Variants in MYO1D observed in about 807,000 individuals in gnomAD.
MYO1D encodes the protein myosin ID, also known as unconventional myosin-Id.
A neutral mutation model predicts 122.0 loss-of-function variants in MYO1D; 83 were observed. The ratio of observed to expected loss-of-function variants is 0.68; its 90% CI spans 0.57 to 0.82. MYO1D has a LOEUF of 0.82. Among genes scored for constraint, MYO1D ranks in the 40% least tolerant of loss-of-function variants. The probability of loss-of-function intolerance (pLI) is 0.00; values close to 1 mark genes in which losing one functional copy is unlikely to be tolerated. For missense variants in MYO1D, 1,157 were observed against 1,269.5 expected (o/e 0.91, Z 1.35); for synonymous variants, 464 against 446.9 (o/e 1.04, Z -0.48).
chr17:32,788,156 C>T (rs959162997), intron 1 of MYO1D, among the ~76,000 whole-genome samples: 3 of 152,094 alleles, frequency 2.0e-5, no homozygotes, highest in South Asian at 2.1e-4. Flanking sequence ...TCCATCCTGT[C>T]GTTGTACTGG....
chr17:32,717,730 G>A (rs535519693), intron 15 of MYO1D, among the ~76,000 whole-genome samples: 2 of 152,200 alleles, frequency 1.3e-5, no homozygotes, highest in African/African-American at 2.4e-5. Flanking sequence ...AGATGTCAGC[G>A]TGATTCTCAC....
chr17:32,592,594 A>G (rs1156834892), intron 21 of MYO1D, among the ~76,000 whole-genome samples: 4 of 152,214 alleles, frequency 2.6e-5, no homozygotes, highest in Non-Finnish European at 5.9e-5. Flanking sequence ...ATGGTACTAC[A>G]GTGGTGGATA....
At chr17:32,749,335 T>G (rs1217444572) in intron 11 of MYO1D, among the ~76,000 whole-genome samples, 3 of 152,172 alleles carry the variant, frequency 2.0e-5, no homozygotes, top group Non-Finnish European at 2.9e-5. Context: ...CCCCAACTAG[T>G]TGGATGCAGA....
chr17:32,691,429 T>C (rs1331119511), intron 16 of MYO1D, among the ~76,000 whole-genome samples: 2 of 140,086 alleles, frequency 1.4e-5, no homozygotes, highest in African/African-American at 2.8e-5. Flanking sequence ...TTTTTTGAGA[T>C]GGAGTCTTAC....
Position 32,876,900 on chromosome 17 carries a change from G to A in MYO1D, c.-28C>T, listed in dbSNP as rs1297105712. 4.9e-6 allele frequency: 7 copies of A among 1,426,546 alleles called. No individual in the cohort carries two copies. In the Admixed American group the frequency reaches 7.4e-5, roughly 15 times the overall value. 88.4% of individuals were successfully genotyped at this position (1,426,546 alleles called of 1,614,324 possible). A position where few individuals can be genotyped will look rare whatever the true frequency, so the allele number is the denominator to read the frequency against. On this transcript the variant is annotated 5_prime_UTR_variant, in exon 1 of 22. Transcript: ENST00000318217. ...CGCCAGCGCGGGGGCTCAGGTGGGC[G>A]CGCTCGGGCCTCCGGGGCCGCTCCG... is the stretch of plus-strand genomic sequence containing the variant.
At chr17:32,625,071 G>A (rs1486677867) in intron 20 of MYO1D, among the ~76,000 whole-genome samples, 7 of 152,192 alleles carry the variant, frequency 4.6e-5, no homozygotes, top group Non-Finnish European at 7.4e-5. Flanking sequence ...GATTACAGGC[G>A]TGAGCCACTG....
intron 15 of MYO1D, among the ~76,000 whole-genome samples, chr17:32,713,701 C>T (rs1470547332): frequency 6.6e-6 from 1 of 152,136 alleles, no homozygotes; most frequent in Non-Finnish European, 1.5e-5. Context: ...GATCTCAGCT[C>T]ACTGCAACCC....
intron 16 of MYO1D, among the ~76,000 whole-genome samples, chr17:32,694,280 T>G (rs1173849368): frequency 8.3e-6 from 1 of 121,120 alleles, no homozygotes; most frequent in East Asian, 2.5e-4. Context: ...TCTTCTACAC[T>G]CTGAGCTCAT....
chr17:32,606,088 A>G (rs1161151520), intron 20 of MYO1D, among the ~76,000 whole-genome samples: 1 of 152,230 alleles, frequency 6.6e-6, no homozygotes, highest in Non-Finnish European at 1.5e-5. Flanking sequence ...CTGGTGACAG[A>G]GTGAGACTCC....
rs1597897110 is a variant in MYO1D at position 32,559,230 on chromosome 17, AG to A, written c.2864+45856del. On this transcript the variant is annotated intron_variant, in intron 21 of 21. Coordinates refer to ENST00000318217, the MANE Select transcript of MYO1D (RefSeq NM_015194.3). ...AAAGGGTTTGTAATCCATATACAAT[AG>A]GGATCTCAACTGTTTTCTGAAGCGC... Among the ~76,000 whole-genome samples, 6 of 152,354 alleles carry A rather than the reference AG, an allele frequency of 3.9e-5. No individual in the cohort carries two copies. In the East Asian group the frequency reaches 1.2e-3, roughly 29 times the overall value.
At chr17:32,714,211 T>C (rs1429645630) in intron 15 of MYO1D, among the ~76,000 whole-genome samples, 1 of 152,018 alleles carries the variant, frequency 6.6e-6, no homozygotes, top group Non-Finnish European at 1.5e-5. Flanking sequence ...TTCCTGATGA[T>C]CTCCATTCTC....
chr17:32,728,816 C>A (rs1233215748), intron 14 of MYO1D, among the ~76,000 whole-genome samples: 2 of 152,104 alleles, frequency 1.3e-5, no homozygotes, highest in Non-Finnish European at 2.9e-5. Flanking sequence ...ACTTTATTAA[C>A]CAGAAAATAG....
intron 20 of MYO1D, among the ~76,000 whole-genome samples, chr17:32,618,441 T>C (rs890178437): frequency 6.6e-6 from 1 of 152,074 alleles, no homozygotes; most frequent in Non-Finnish European, 1.5e-5. Flanking sequence ...CATCTCCATA[T>C]CAAACTTCAA....
intron 17 of MYO1D, 190 bp downstream of exon 17, chr17:32,658,925 C>T: frequency 1.7e-6 from 1 of 603,732 alleles, no homozygotes; most frequent in Admixed American, 3.0e-5. Flanking sequence ...AACAAATTGG[C>T]AGTTCCTTTA....
At position 32,494,271 on chromosome 17, in the gene MYO1D, T is replaced by G. The variant is rs1301223825; in HGVS notation, c.*488A>C. The G allele has an allele frequency of 1.9e-5, 3 of 154,070 alleles. No homozygotes were observed. Among genetic ancestry groups the G allele is most frequent in the Non-Finnish European group, 2.9e-5 (2 of 69,372 alleles). The allele number at this position is 154,070 out of a possible 1,614,324, so 9.5% of individuals were successfully genotyped here. A position where few individuals can be genotyped will look rare whatever the true frequency, so the allele number is the denominator to read the frequency against. The stretch of plus-strand genomic sequence containing the variant: ...CTGGCGGCTGGGAGTTGGGTTGGGG[T>G]GGGTCCGCCGAACTCTGAGCAGAGC... On this transcript the variant is annotated 3_prime_UTR_variant, in exon 22 of 22. Coordinates refer to ENST00000318217, the MANE Select transcript of MYO1D (RefSeq NM_015194.3).
chr17:32,628,687 C>A (rs1177445623), intron 20 of MYO1D, among the ~76,000 whole-genome samples: 3 of 152,070 alleles, frequency 2.0e-5, no homozygotes, highest in Middle Eastern at 3.2e-3. Flanking sequence ...TAGAAAAATA[C>A]ATGATACAAC....
At chr17:32,577,462 A>G (rs182688719) in intron 21 of MYO1D, among the ~76,000 whole-genome samples, 1 of 152,246 alleles carries the variant, frequency 6.6e-6, no homozygotes, top group Non-Finnish European at 1.5e-5. Context: ...GAGATAATAT[A>G]TAATGTCTAA....
chr17:32,822,651 G>A (rs1210796197), intron 1 of MYO1D, among the ~76,000 whole-genome samples: 2 of 149,256 alleles, frequency 1.3e-5, no homozygotes, highest in East Asian at 3.9e-4. Flanking sequence ...GGCCGCGCGG[G>A]CCCCGGTGGG....
chr17:32,756,792 C>T (rs1012723246), intron 10 of MYO1D, among the ~76,000 whole-genome samples: 1 of 152,026 alleles, frequency 6.6e-6, no homozygotes, highest in Admixed American at 6.6e-5. Context: ...AAAAGCTTTT[C>T]CTTTACTTCC....
Sources: gnomAD v4.1 joint callset for allele counts (sites outside exome capture counted in the v4.1 genomes callset) on GRCh38, gnomAD v4.1.1 for gene constraint, MANE v1.5 for transcripts, NCBI Gene and HGNC (gene_info 2026-07-23, HGNC 2026-07-21) for gene names.